SESTD1: variants seen among roughly 807,000 people sequenced by gnomAD.
SESTD1 encodes SEC14 domain and spectrin repeat-containing protein 1.
In SESTD1, 43 loss-of-function variants were observed where a neutral mutation model predicts 101.7. The observed-to-expected ratio is 0.42, with a 90% confidence interval of 0.33 to 0.55. The LOEUF (loss-of-function observed/expected upper bound fraction) is 0.55, where lower values mean the gene tolerates loss of function less well. Ranked by LOEUF, SESTD1 falls within the 20% of genes least tolerant of loss-of-function variation. The pLI is 0.07. For synonymous variants in SESTD1, 283 were observed against 286.8 expected, an observed-to-expected ratio of 0.99 and a Z score of 0.13; for missense variants, 647 against 815.1, an observed-to-expected ratio of 0.79 and a Z score of 2.51.
chr2:179,144,342 AAAGTTT>A (rs1481071662), intron 8 of SESTD1, among the ~76,000 whole-genome samples: 1 of 152,092 alleles, frequency 6.6e-6, no homozygotes, highest in Non-Finnish European at 1.5e-5. Context: ...TAAAGGGAGA[AAAGTTT>A]TTATTACAAG....
intron 12 of SESTD1, 85 bp downstream of exon 12, chr2:179,123,630 G>T: frequency 1.2e-6 from 1 of 829,842 alleles, no homozygotes; most frequent in Non-Finnish European, 1.9e-6. Flanking sequence ...TTAGTTCAGT[G>T]TAAGTTGACT....
rs1012771940 is a variant in SESTD1 at position 179,102,686 on chromosome 2, A to G, written c.*7213T>C. On this transcript the variant is annotated 3_prime_UTR_variant, in exon 18 of 18. Transcript: ENST00000428443. ...AACACACAGATGATTATAATTCTAT[A>G]GACTAATACAGGTGAATGCTGTATG... 3.3e-5 allele frequency: 5 copies of G among 152,148 alleles called. No homozygotes were observed. The highest frequency in any genetic ancestry group is 1.2e-4 in the African/African-American group (5 of 41,452). The allele number at this position is 152,148 out of a possible 1,614,324, so 9.4% of individuals were successfully genotyped here. A position where few individuals can be genotyped will look rare whatever the true frequency, so the allele number is the denominator to read the frequency against.
chr2:179,123,684 TTA>T (rs1365502308), intron 12 of SESTD1, 29 bp downstream of exon 12: 6 of 1,394,106 alleles, frequency 4.3e-6, no homozygotes, highest in East Asian at 2.3e-5. Context: ...AAAAAAAACC[TTA>T]TGTTTCAGCA....
At chr2:179,194,835 T>C (rs1302845748) in intron 1 of SESTD1, among the ~76,000 whole-genome samples, 3 of 152,140 alleles carry the variant, frequency 2.0e-5, no homozygotes, top group South Asian at 2.1e-4. Context: ...TATACTAATA[T>C]GAACCCCCAG....
intron 1 of SESTD1, among the ~76,000 whole-genome samples, chr2:179,255,321 T>C (rs754566678): frequency 1.3e-5 from 2 of 152,214 alleles, no homozygotes; most frequent in African/African-American, 2.4e-5. Context: ...TTGTGACAGT[T>C]AGTCAAGCTG....
In SESTD1 at chr2:179,107,550, ATATT is replaced by A. The variant is rs982694153; in HGVS notation, c.*2345_*2348del. On this transcript the variant is annotated 3_prime_UTR_variant, in exon 18 of 18. Transcript: ENST00000428443. ...CAGAAGAAACAGATATTGAGTATTG[ATATT>A]TAGTTATTGAGTATAACTAAATATC... is the stretch of plus-strand genomic sequence containing the variant. The A allele has an allele frequency of 1.1e-4, 17 of 152,166 alleles. No individual in the cohort carries two copies. The highest frequency in any genetic ancestry group is 9.2e-4 in the Admixed American group (14 of 15,268). The allele number at this position is 152,166 out of a possible 1,614,324, so 9.4% of individuals were successfully genotyped here. A position where few individuals can be genotyped will look rare whatever the true frequency, so the allele number is the denominator to read the frequency against.
At chr2:179,251,021 G>A (rs980703595) in intron 1 of SESTD1, among the ~76,000 whole-genome samples, 1 of 152,046 alleles carries the variant, frequency 6.6e-6, no homozygotes, top group Non-Finnish European at 1.5e-5. Flanking sequence ...GCTAGAAACA[G>A]CCTAGATATC....
Position 179,106,934 on chromosome 2 carries a change from TAAAAG to T in SESTD1, c.*2960_*2964del, listed in dbSNP as rs1400199645. On this transcript the variant is annotated 3_prime_UTR_variant, in exon 18 of 18. Coordinates refer to ENST00000428443, the MANE Select transcript of SESTD1 (RefSeq NM_178123.5). ...AGCTTACACAGGAGCAAACAAATGA[TAAAAG>T]AAAAAAAAAATCCTCAAACAAACAA... 6.8e-6 allele frequency: 1 copy of T among 146,652 alleles called. No individual in the cohort carries two copies. The highest frequency in any genetic ancestry group is 2.5e-5 in the African/African-American group (1 of 39,700). The allele number at this position is 146,652 out of a possible 1,614,324, so 9.1% of individuals were successfully genotyped here. A position where few individuals can be genotyped will look rare whatever the true frequency, so the allele number is the denominator to read the frequency against.
chr2:179,184,227 T>C (rs2046170933), intron 2 of SESTD1, among the ~76,000 whole-genome samples: 1 of 152,190 alleles, frequency 6.6e-6, no homozygotes, highest in Non-Finnish European at 1.5e-5. Flanking sequence ...TTGAATTTCA[T>C]ACTGAAGCCC....
At chr2:179,196,114 C>T (rs2046388339) in intron 1 of SESTD1, among the ~76,000 whole-genome samples, 1 of 152,186 alleles carries the variant, frequency 6.6e-6, no homozygotes, top group Admixed American at 6.5e-5. Flanking sequence ...ATGTGCAAAA[C>T]GAAGCAGGGC....
At chr2:179,224,044 G>A (rs2046849461) in intron 1 of SESTD1, among the ~76,000 whole-genome samples, 1 of 152,088 alleles carries the variant, frequency 6.6e-6, no homozygotes, top group African/African-American at 2.4e-5. Context: ...TGTGCCTATG[G>A]ATTAAAATGA....
chr2:179,146,525 T>G (rs995280134), intron 7 of SESTD1, 68 bp from the exon 8 acceptor site: 14 of 1,371,194 alleles, frequency 1.0e-5, no homozygotes, highest in Non-Finnish European at 1.4e-5. Flanking sequence ...AAAATTCCTT[T>G]ACATATAAAA....
intron 5 of SESTD1, among the ~76,000 whole-genome samples, 172 bp from the exon 6 acceptor site, chr2:179,151,563 G>C (rs1455011400): frequency 6.6e-6 from 1 of 151,996 alleles, no homozygotes; most frequent in African/African-American, 2.4e-5. Context: ...ATAGATACCT[G>C]ATAAAAAATT....
intron 7 of SESTD1, among the ~76,000 whole-genome samples, chr2:179,146,897 T>G (rs1340450622): frequency 3.0e-5 from 4 of 133,472 alleles, no homozygotes; most frequent in African/African-American, 1.0e-4. Context: ...CTGTCTTATA[T>G]TCCAGGGGTG....
chr2:179,259,492 T>G (rs1195058589), intron 1 of SESTD1, among the ~76,000 whole-genome samples: 1 of 152,172 alleles, frequency 6.6e-6, no homozygotes, highest in Non-Finnish European at 1.5e-5. Flanking sequence ...CCTCTCAAAG[T>G]GCTGGGATTA....
chr2:179,179,402 T>C (rs891594544), intron 3 of SESTD1, among the ~76,000 whole-genome samples: 2 of 152,214 alleles, frequency 1.3e-5, no homozygotes, highest in African/African-American at 2.4e-5. Flanking sequence ...AACGTGAAAC[T>C]GTCTAAACAG....
rs548121195 is a variant in SESTD1 at position 179,175,550 on chromosome 2, T to G, written c.255+898A>C. On this transcript the variant is annotated intron_variant, in intron 4 of 17. Transcript: ENST00000428443. Reference sequence around the variant, plus strand: ...CTGGCCTGCCATCAACTACTCTCATTGTATTTGCTTCATTATGAGCTATAT... The same window carrying G: ...CTGGCCTGCCATCAACTACTCTCATGGTATTTGCTTCATTATGAGCTATAT... 9.5e-4 allele frequency among the ~76,000 whole-genome samples: 145 copies of G among 152,270 alleles called. 1 individual carries two copies. Among genetic ancestry groups the G allele is most frequent in the African/African-American group, 3.2e-3 (132 of 41,568 alleles).
At chr2:179,113,569 A>T (rs2044559749) in intron 16 of SESTD1, among the ~76,000 whole-genome samples, 1 of 152,146 alleles carries the variant, frequency 6.6e-6, no homozygotes. Flanking sequence ...TTTGCATTAC[A>T]CTTTATCTAA....
chr2:179,238,178 CTTG>C (rs1339694704), intron 1 of SESTD1, among the ~76,000 whole-genome samples: 2 of 152,008 alleles, frequency 1.3e-5, no homozygotes, highest in Non-Finnish European at 2.9e-5. Context: ...TGTCATCATC[CTTG>C]TTGTCTTTAC....
Sources: allele counts gnomAD v4.1 joint callset (sites outside exome capture counted in the v4.1 genomes callset), GRCh38; gene constraint gnomAD v4.1.1; transcripts MANE v1.5; gene names NCBI Gene and HGNC (gene_info 2026-07-23, HGNC 2026-07-21).